The following SLC38A3 variants were observed in gnomAD, a reference collection of about 807,000 sequenced individuals.
SLC38A3 encodes solute carrier family 38 member 3, also known as sodium-coupled neutral amino acid transporter 3.
In SLC38A3, 17 loss-of-function variants were observed where a neutral mutation model predicts 59.5. The observed-to-expected ratio is 0.29, with a 90% CI of 0.20 to 0.43. The LOEUF (loss-of-function observed/expected upper bound fraction) is 0.43, where lower values mean the gene tolerates loss of function less well. Ranked by LOEUF, SLC38A3 falls within the 20% of genes least tolerant of loss-of-function variation. The pLI is 1.00. For synonymous variants in SLC38A3, 238 were observed against 260.3 expected, an observed-to-expected ratio of 0.91 and a Z score of 0.82; for missense variants, 454 against 653.9, an observed-to-expected ratio of 0.69 and a Z score of 3.33.
chr3:50,208,437 A>G (rs1170050185), intron 1 of SLC38A3, among the ~76,000 whole-genome samples: 1 of 151,362 alleles, frequency 6.6e-6, no homozygotes, highest in African/African-American at 2.4e-5. Context: ...TAATTTTTGT[A>G]TTTTTAGTAG....
intron 14 of SLC38A3, among the ~76,000 whole-genome samples, chr3:50,219,334 G>C (rs1030502735): frequency 2.6e-5 from 4 of 152,212 alleles, no homozygotes; most frequent in Non-Finnish European, 5.9e-5. Flanking sequence ...CAAGTTTGAT[G>C]CTCCATCCAC....
chr3:50,215,877 G>T lies in SLC38A3; in HGVS notation c.548+56G>T. On this transcript the variant is annotated intron_variant, in intron 7 of 15. Transcript: ENST00000614032. The surrounding 1 kb of genome is among the most constrained non-coding windows in gnomAD (Gnocchi z 7.1). The stretch of plus-strand genomic sequence containing the variant: ...GGGTGCGGTGCAGTGAGGAGGGGTG[G>T]GGTGGGGTGGGGCTGGGTGAGGGTG... The T allele has an allele frequency of 1.5e-6, 1 of 657,400 alleles. No homozygotes were observed. Among genetic ancestry groups the T allele is most frequent in the South Asian group, 1.8e-5 (1 of 54,398 alleles). The allele number at this position is 657,400 out of a possible 1,614,324, so 40.7% of individuals were successfully genotyped here.
At chr3:50,210,611 G>T (rs569852206) in intron 1 of SLC38A3, among the ~76,000 whole-genome samples, 1 of 152,204 alleles carries the variant, frequency 6.6e-6, no homozygotes, top group African/African-American at 2.4e-5. Context: ...TGCATCAGCC[G>T]CCCTGAAGTG....
intron 1 of SLC38A3, among the ~76,000 whole-genome samples, chr3:50,210,742 T>A (rs1391058642): frequency 4.6e-5 from 7 of 152,236 alleles, no homozygotes; most frequent in Non-Finnish European, 1.0e-4. Context: ...GCGCCATCCC[T>A]GTGGCTCCTG....
Position 50,217,311 on chromosome 3 carries a change from C to T in SLC38A3, c.622C>T (p.Arg208Trp), listed in dbSNP as rs1479597510. The T allele has an allele frequency of 3.7e-6, 6 of 1,613,222 alleles. No homozygotes were observed. Among genetic ancestry groups the T allele is most frequent in the East Asian group, 2.2e-5 (1 of 44,882 alleles). The change falls in exon 8 of 16, where the codon CGG (arginine) becomes TGG (tryptophan). Residue 208 changes from arginine (R) to tryptophan (W), a missense_variant. Arg to Trp is a moderately radical substitution (Grantham distance 101). Transcript: ENST00000614032. The surrounding 1 kb of genome is among the most constrained non-coding windows in gnomAD (Gnocchi z 4.9). ...VTIILPLALM[R>W]QLGYLGYSSG... ...CATCATTCTGCCCCTGGCACTGATG[C>T]GGCAGCTTGGTGAGTGTGGAAGGGT... is the stretch of plus-strand genomic sequence containing the variant.
rs768500538 is a variant in SLC38A3 at position 50,217,216 on chromosome 3, C to T, written c.549-22C>T. 2 of 1,583,442 alleles carry T rather than the reference C, an allele frequency of 1.3e-6. No homozygotes were observed. The highest frequency in any genetic ancestry group is 1.1e-5 in the South Asian group (1 of 88,190). On this transcript the variant is annotated intron_variant, in intron 7 of 15. Transcript: ENST00000614032. This position sits in a 1 kb window ranked among gnomAD's most constrained non-coding sequence, Gnocchi z 4.9. ...CAGGCTGAATGGATTCTGACCCTGG[C>T]TCCCGACTCATGTCCCTGCAGGGAC... is the stretch of plus-strand genomic sequence containing the variant.
chr3:50,217,828 G>T lies in SLC38A3; in HGVS notation c.843G>T (p.Thr281=). 1 of 1,614,056 alleles carries T rather than the reference G, an allele frequency of 6.2e-7. No individual in the cohort carries two copies. The highest frequency in any genetic ancestry group is 1.1e-5 in the South Asian group (1 of 91,088). ...CCTTCTGCACTCCCAGCTACTTCAC[G>T]CTCAACTCACAGGTTCTGACAGGTC... ...ASAFCTPSYF[T]LNSQTAYTIP... The change falls in exon 10 of 16, where the codon ACG becomes ACT. Residue 281 remains threonine, a synonymous_variant. Coordinates refer to ENST00000614032, the MANE Select transcript of SLC38A3 (RefSeq NM_006841.6). The surrounding 1 kb of genome is among the most constrained non-coding windows in gnomAD (Gnocchi z 4.9).
At chr3:50,213,932 A>G (rs777350342) in intron 1 of SLC38A3, among the ~76,000 whole-genome samples, 5 of 152,122 alleles carry the variant, frequency 3.3e-5, no homozygotes, top group Non-Finnish European at 5.9e-5. Flanking sequence ...TGCATTATGT[A>G]CTGGCTAGGG....
intron 1 of SLC38A3, among the ~76,000 whole-genome samples, chr3:50,208,261 CT>C (rs11293008): frequency 0.35 from 45,432 of 129,780 alleles, 7,403 homozygotes; most frequent in East Asian, 0.56. Context: ...AGCTTTCTCT[CT>C]TTTTTTTTTT....
chr3:50,217,228 G>A lies in SLC38A3; in HGVS notation c.549-10G>A. The A allele has an allele frequency of 6.2e-7, 1 of 1,606,622 alleles. No homozygotes were observed. Among genetic ancestry groups the A allele is most frequent in the African/African-American group, 1.3e-5 (1 of 74,954 alleles). ...ATTCTGACCCTGGCTCCCGACTCAT[G>A]TCCCTGCAGGGACTGGTACATGAAC... On this transcript the variant is annotated splice_polypyrimidine_tract_variant and intron_variant, in intron 7 of 15. Transcript: ENST00000614032. This position sits in a 1 kb window ranked among gnomAD's most constrained non-coding sequence, Gnocchi z 4.9.
rs1469488095 is a variant in SLC38A3, at chr3:50,217,417, T to A, written c.634T>A (p.Tyr212Asn). 6.2e-7 allele frequency: 1 copy of A among 1,613,378 alleles called. No individual in the cohort carries two copies. Reference protein sequence around the residue: ...LPLALMRQLGYLGYSSGFSLS... With the variant: ...LPLALMRQLGNLGYSSGFSLS... Reference sequence around the variant, plus strand: ...AGAGTGCTCCCTCCACTTTGCAGGCTACCTGGGCTACTCCAGCGGCTTCTC... The same window carrying A: ...AGAGTGCTCCCTCCACTTTGCAGGCAACCTGGGCTACTCCAGCGGCTTCTC... Residue 212 changes from tyrosine to asparagine, a missense_variant and splice_region_variant, in exon 9 of 16, where the codon TAC becomes AAC. Coordinates refer to ENST00000614032, the MANE Select transcript of SLC38A3 (RefSeq NM_006841.6). This position sits in a 1 kb window ranked among gnomAD's most constrained non-coding sequence, Gnocchi z 4.9.
chr3:50,215,421 A>C lies in SLC38A3; in HGVS notation c.335A>C (p.Tyr112Ser), dbSNP rs1316340005. 6.2e-7 allele frequency: 1 copy of C among 1,613,414 alleles called. No homozygotes were observed. The highest frequency in any genetic ancestry group is 8.5e-7 in the Non-Finnish European group (1 of 1,179,786). ...LLTAVALLSS[Y>S]SIHLLLKSSG... ...ACAGCTGTCGCCTTGCTCTCCAGCT[A>C]CTCCATCCACCTGCTACTCAAGTCC... The change falls in exon 5 of 16, where the codon TAC becomes TCC. Residue 112 changes from tyrosine (Y) to serine (S), a missense_variant. Transcript: ENST00000614032. The surrounding 1 kb of genome is among the most constrained non-coding windows in gnomAD (Gnocchi z 7.1).
Position 50,217,046 on chromosome 3 carries a change from T to G in SLC38A3, c.549-192T>G, listed in dbSNP as rs1300435103. 6.6e-6 allele frequency among the ~76,000 whole-genome samples: 1 copy of G among 152,210 alleles called. No individual in the cohort carries two copies. The highest frequency in any genetic ancestry group is 2.4e-5 in the African/African-American group (1 of 41,448). Reference sequence around the variant, plus strand: ...CCTCAGCCTCCCAAAGTGCTGGGATTACAGGCGTGAACCACCGCGCCCAGC... The same window carrying G: ...CCTCAGCCTCCCAAAGTGCTGGGATGACAGGCGTGAACCACCGCGCCCAGC... On this transcript the variant is annotated intron_variant, in intron 7 of 15. Transcript: ENST00000614032. This position sits in a 1 kb window ranked among gnomAD's most constrained non-coding sequence, Gnocchi z 4.9.
rs587688203 is a variant in SLC38A3 at position 50,218,947 on chromosome 3, C to T, written c.1305C>T (p.Ile435=). The change falls in exon 14 of 16, where the codon ATC becomes ATT. Residue 435 remains isoleucine (I), a splice_region_variant and synonymous_variant. Transcript: ENST00000614032. This position sits in a 1 kb window ranked among gnomAD's most constrained non-coding sequence, Gnocchi z 5.8. ...APNILGIFGV[I]GATSAPFLIF... The stretch of plus-strand genomic sequence containing the variant: ...ACATCCTGGGCATCTTTGGGGTCAT[C>T]GGTGAGGGTCTGGCCCTGCTGTGGA... 4.4e-5 allele frequency: 70 copies of T among 1,609,144 alleles called. 1 individual carries two copies. The highest frequency in any genetic ancestry group is 3.3e-4 in the Middle Eastern group (2 of 6,048).
Position 50,214,984 on chromosome 3 carries a change from TACAGGCCAGAG to T in SLC38A3, c.299+219_299+229del. 1 of 597,804 alleles carries T rather than the reference TACAGGCCAGAG, an allele frequency of 1.7e-6. No individual in the cohort carries two copies. The highest frequency in any genetic ancestry group is 3.0e-6 in the Non-Finnish European group (1 of 337,998). 37.0% of individuals were successfully genotyped at this position (597,804 alleles called of 1,614,324 possible). A position where few individuals can be genotyped will look rare whatever the true frequency, so the allele number is the denominator to read the frequency against. The stretch of plus-strand genomic sequence containing the variant: ...CTGAGGTCACAACACAGGCCGGTCT[TACAGGCCAGAG>T]ACTGTCCTTTTGGCACCTTACACGT... On this transcript the variant is annotated intron_variant, in intron 4 of 15. Coordinates refer to ENST00000614032, the MANE Select transcript of SLC38A3 (RefSeq NM_006841.6). The surrounding 1 kb of genome is among the most constrained non-coding windows in gnomAD (Gnocchi z 6.0).
Position 50,218,738 on chromosome 3 carries a change from C to T in SLC38A3, c.1161+21C>T. The stretch of plus-strand genomic sequence containing the variant: ...TCCCGGTGAGCTGGTGGGCAGGTGG[C>T]TAGACTAGTGGCGGGAGGGGCTGAT... On this transcript the variant is annotated intron_variant, in intron 13 of 15. Coordinates refer to ENST00000614032, the MANE Select transcript of SLC38A3 (RefSeq NM_006841.6). The surrounding 1 kb of genome is among the most constrained non-coding windows in gnomAD (Gnocchi z 5.8). 1 of 1,601,838 alleles carries T rather than the reference C, an allele frequency of 6.2e-7. No individual in the cohort carries two copies. The highest frequency in any genetic ancestry group is 8.5e-7 in the Non-Finnish European group (1 of 1,169,626).
In SLC38A3 at chr3:50,218,439, C is replaced by T. The variant is rs770893473; in HGVS notation, c.1036+69C>T. The T allele has an allele frequency of 3.3e-6, 5 of 1,515,358 alleles. No individual in the cohort carries two copies. The Admixed American group carries it at 8.4e-5, about 25-fold the overall frequency. The allele number at this position is 1,515,358 out of a possible 1,614,324, so 93.9% of individuals were successfully genotyped here. A position where few individuals can be genotyped will look rare whatever the true frequency, so the allele number is the denominator to read the frequency against. On this transcript the variant is annotated intron_variant, in intron 12 of 15. Transcript: ENST00000614032. This position sits in a 1 kb window ranked among gnomAD's most constrained non-coding sequence, Gnocchi z 5.8. ...GAAGGGGCTGGTTGTGGCCATGGTG[C>T]CCTCCATACCGAGGCGTGTGGTGCC...
At chr3:50,206,234 G>T (rs1174562019) in intron 1 of SLC38A3, among the ~76,000 whole-genome samples, 1 of 152,280 alleles carries the variant, frequency 6.6e-6, no homozygotes, top group Non-Finnish European at 1.5e-5. Flanking sequence ...GGGGACCTGA[G>T]TCCTGAGTCC....
In SLC38A3 at chr3:50,220,260, C is replaced by A; in HGVS notation, c.*83C>A. ...CCCCTGCTCCCATCCAGTGGCCAGT[C>A]GGGGGAGGAGAAAGACGCGATTAAC... On this transcript the variant is annotated 3_prime_UTR_variant, in exon 16 of 16. Coordinates refer to ENST00000614032, the MANE Select transcript of SLC38A3 (RefSeq NM_006841.6). The A allele has an allele frequency of 1.9e-6, 2 of 1,045,540 alleles. No individual in the cohort carries two copies. Among genetic ancestry groups the A allele is most frequent in the Non-Finnish European group, 2.9e-6 (2 of 696,480 alleles). The allele number at this position is 1,045,540 out of a possible 1,614,324, so 64.8% of individuals were successfully genotyped here. A position where few individuals can be genotyped will look rare whatever the true frequency, so the allele number is the denominator to read the frequency against.
Sources: gnomAD v4.1 joint callset for allele counts (sites outside exome capture counted in the v4.1 genomes callset) on GRCh38, gnomAD v4.1.1 for gene constraint, Gnocchi (gnomAD v3.1) non-coding constraint, MANE v1.5 for transcripts, NCBI Gene and HGNC (gene_info 2026-07-23, HGNC 2026-07-21) for gene names.